Variants in ARHGAP6 observed in about 807,000 individuals in gnomAD.
ARHGAP6 encodes rho GTPase-activating protein 6.
Under a neutral mutation model 55.7 loss-of-function variants are expected in ARHGAP6, and 16 were observed. The ratio of observed to expected loss-of-function variants is 0.29; its 90% confidence interval spans 0.19 to 0.44. The LOEUF is 0.44. ARHGAP6 is among the 20% of genes least tolerant of loss of function. ARHGAP6 has a pLI of 1.00. For missense variants in ARHGAP6, 698 were observed against 808.9 expected (o/e 0.86, Z 1.66); for synonymous variants, 382 against 360.9 (o/e 1.06, Z -0.66).
At chrX:11,291,285 C>A (rs1432055086) in intron 1 of ARHGAP6, among the ~76,000 whole-genome samples, 1 of 111,635 alleles carries the variant, frequency 9.0e-6, no homozygotes, top group East Asian at 2.8e-4. Context: ...TCAATTATTT[C>A]TATGGAATCG....
chrX:11,544,904 TCAAA>T (rs1275073937), intron 1 of ARHGAP6, among the ~76,000 whole-genome samples: 2 of 112,508 alleles, frequency 1.8e-5, no homozygotes, highest in South Asian at 3.7e-4. Context: ...AAACATTATC[TCAAA>T]CAAACAAACA....
rs954256771 is a variant in ARHGAP6, at chrX:11,392,018, G to A, written c.589-137311C>T. On this transcript the variant is annotated intron_variant, in intron 1 of 12. Transcript: ENST00000337414. ...AGCTGGGTGCTATGTGGGCACAGAA[G>A]TAAAATAGAAAAAGAAGCATTCCTC... Among the ~76,000 whole-genome samples, 6 of 112,014 alleles carry A rather than the reference G, an allele frequency of 5.4e-5. No homozygotes were observed. In the Admixed American group the frequency reaches 5.7e-4, roughly 11 times the overall value.
At chrX:11,188,604 A>G (rs899506577) in intron 4 of ARHGAP6, 124 bp downstream of exon 4, 62 of 997,312 alleles carry the variant, frequency 6.2e-5, no homozygotes, top group Middle Eastern at 3.9e-4. Context: ...CATTAATGGC[A>G]TTGTTGACAG....
rs564995839 is a variant in ARHGAP6, at chrX:11,337,969, C to T, written c.589-83262G>A. ...GACATGTGCAAAGAGGGACCAAACC[C>T]AGGGGTGTCCTGGCTTTCTAGCAAC... On this transcript the variant is annotated intron_variant, in intron 1 of 12. Transcript: ENST00000337414. 7.8e-4 allele frequency among the ~76,000 whole-genome samples: 87 copies of T among 111,427 alleles called. 3 individuals carry two copies. The South Asian group carries it at 0.031, about 40-fold the overall frequency.
intron 1 of ARHGAP6, among the ~76,000 whole-genome samples, chrX:11,279,069 A>C (rs1411850396): frequency 9.0e-6 from 1 of 111,317 alleles, no homozygotes; most frequent in Non-Finnish European, 1.9e-5. Flanking sequence ...TATCTGCATC[A>C]CAGATAATGG....
intron 1 of ARHGAP6, among the ~76,000 whole-genome samples, chrX:11,593,719 T>C (rs2051867876): frequency 9.0e-6 from 1 of 111,703 alleles, no homozygotes; most frequent in Non-Finnish European, 1.9e-5. Context: ...CACTTTCATC[T>C]CAATTTTTGC....
chrX:11,349,603 C>T (rs1347918527), intron 1 of ARHGAP6, among the ~76,000 whole-genome samples: 1 of 111,627 alleles, frequency 9.0e-6, no homozygotes. Flanking sequence ...ATAGACATTT[C>T]AAAGTATATG....
chrX:11,450,191 G>T (rs1569348855), intron 1 of ARHGAP6, among the ~76,000 whole-genome samples: 1 of 101,862 alleles, frequency 9.8e-6, no homozygotes, highest in Non-Finnish European at 2.0e-5. Context: ...CCCCTTTGTA[G>T]AACAAATAAT....
At chrX:11,494,589 G>A (rs762067388) in intron 1 of ARHGAP6, among the ~76,000 whole-genome samples, 1 of 112,827 alleles carries the variant, frequency 8.9e-6, no homozygotes, top group African/African-American at 3.2e-5. Flanking sequence ...AAGAGCAGAT[G>A]CTTTCAGAGT....
chrX:11,173,379 G>A (rs2046122276), intron 8 of ARHGAP6, among the ~76,000 whole-genome samples: 1 of 111,604 alleles, frequency 9.0e-6, no homozygotes, highest in Admixed American at 9.5e-5. Context: ...TTGCCTCATA[G>A]ACCCTTTGAG....
intron 1 of ARHGAP6, among the ~76,000 whole-genome samples, chrX:11,440,722 C>A (rs2050031522): frequency 8.9e-6 from 1 of 111,956 alleles, no homozygotes; most frequent in South Asian, 3.7e-4. Context: ...ACCCCAGAGC[C>A]TGGTCCCATA....
chrX:11,141,033 C>A (rs2045612845), intron 12 of ARHGAP6, among the ~76,000 whole-genome samples: 1 of 111,370 alleles, frequency 9.0e-6, no homozygotes, highest in Non-Finnish European at 1.9e-5. Flanking sequence ...TAAGGCTCTT[C>A]ACAGGATACA....
intron 1 of ARHGAP6, among the ~76,000 whole-genome samples, chrX:11,354,517 C>T (rs1489142155): frequency 2.8e-5 from 3 of 107,896 alleles, no homozygotes; most frequent in Admixed American, 1.0e-4. Flanking sequence ...AAGGTAAACA[C>T]AATAATACAT....
intron 1 of ARHGAP6, among the ~76,000 whole-genome samples, chrX:11,592,395 C>T (rs182079846): frequency 8.9e-6 from 1 of 111,811 alleles, no homozygotes; most frequent in Admixed American, 9.5e-5. Flanking sequence ...GATACAAGTA[C>T]TTGGCTATTG....
At chrX:11,613,255 C>T (rs773876030) in intron 1 of ARHGAP6, among the ~76,000 whole-genome samples, 1 of 112,232 alleles carries the variant, frequency 8.9e-6, no homozygotes, top group Non-Finnish European at 1.9e-5. Context: ...GAACTGTTAG[C>T]GGCTCTGTGA....
At chrX:11,189,680 A>G (rs1372506045) in intron 3 of ARHGAP6, among the ~76,000 whole-genome samples, 2 of 112,105 alleles carry the variant, frequency 1.8e-5, no homozygotes, top group Non-Finnish European at 3.8e-5. Flanking sequence ...GCCACTAAAT[A>G]TCTGGTGGGA....
At chrX:11,504,684 C>T (rs903281461) in intron 1 of ARHGAP6, among the ~76,000 whole-genome samples, 1 of 112,254 alleles carries the variant, frequency 8.9e-6, no homozygotes, top group East Asian at 2.8e-4. Flanking sequence ...AACACATACA[C>T]ACCCACTGGC....
chrX:11,653,746 T>G (rs1180194034), intron 1 of ARHGAP6, among the ~76,000 whole-genome samples: 2 of 111,840 alleles, frequency 1.8e-5, no homozygotes, highest in Non-Finnish European at 3.8e-5. Context: ...TTGTTTAATG[T>G]CACAAAACAG....
At chrX:11,205,295 T>C (rs2046689909) in intron 2 of ARHGAP6, among the ~76,000 whole-genome samples, 1 of 111,627 alleles carries the variant, frequency 9.0e-6, no homozygotes, top group African/African-American at 3.3e-5. Context: ...GGGACTGTCC[T>C]GTACAGTGTA....
Sources: gnomAD v4.1 joint callset for allele counts (sites outside exome capture counted in the v4.1 genomes callset) on GRCh38, gnomAD v4.1.1 for gene constraint, MANE v1.5 for transcripts, NCBI Gene and HGNC (gene_info 2026-07-23, HGNC 2026-07-21) for gene names.